DUS2: variants seen among roughly 807,000 people sequenced by gnomAD.
DUS2 encodes the protein tRNA-dihydrouridine(20) synthase [NAD(P)+]-like.
Under a neutral mutation model 71.3 loss-of-function variants are expected in DUS2, and 52 were observed. The observed-to-expected ratio is 0.73, with a 90% CI of 0.58 to 0.92. The LOEUF (loss-of-function observed/expected upper bound fraction) is 0.92. DUS2 is among the 40% of genes least tolerant of loss of function. The pLI, the probability that DUS2 is intolerant of heterozygous loss-of-function variation, is 0.00. For synonymous variants in DUS2, 204 were observed against 227.8 expected (o/e 0.90, Z 0.94); for missense variants, 558 against 622.6 (o/e 0.90, Z 1.10).
chr16:68,040,940 C>T (rs1598303365), intron 3 of DUS2, among the ~76,000 whole-genome samples: 1 of 152,230 alleles, frequency 6.6e-6, no homozygotes, highest in Admixed American at 6.5e-5. Flanking sequence ...CTTAAAAACC[C>T]CACAAAGTCG....
intron 7 of DUS2, among the ~76,000 whole-genome samples, chr16:68,057,455 G>A (rs972127668): frequency 4.0e-5 from 6 of 151,642 alleles, no homozygotes; most frequent in Admixed American, 2.6e-4. Flanking sequence ...AGAGGAGGCC[G>A]GGAGTGGTGG....
intron 12 of DUS2, 133 bp downstream of exon 12, chr16:68,071,241 G>GAGC: frequency 3.2e-6 from 3 of 932,244 alleles, no homozygotes; most frequent in Non-Finnish European, 4.9e-6. Context: ...CTCATGTAGT[G>GAGC]TAGCTGCACT....
chr16:68,026,521 G>C (rs2033353111), intron 2 of DUS2, among the ~76,000 whole-genome samples: 1 of 152,000 alleles, frequency 6.6e-6, no homozygotes, highest in Non-Finnish European at 1.5e-5. Context: ...TTCTCATCCA[G>C]CTCCCTACCT....
chr16:68,040,551 C>G (rs73598006), intron 3 of DUS2, among the ~76,000 whole-genome samples: 29,159 of 152,110 alleles, frequency 0.19, 3,324 homozygotes, highest in African/African-American at 0.31. Context: ...GAATTAAAAT[C>G]TGTTAGCATT....
At chr16:68,056,508 T>C in intron 7 of DUS2, 84 bp downstream of exon 7, 1 of 1,128,422 alleles carries the variant, frequency 8.9e-7, no homozygotes, top group Non-Finnish European at 1.3e-6. Flanking sequence ...AGTACCTAAC[T>C]CTGGACTGGA....
At chr16:68,042,061 T>G (rs532308762) in intron 3 of DUS2, among the ~76,000 whole-genome samples, 1 of 152,270 alleles carries the variant, frequency 6.6e-6, no homozygotes, top group South Asian at 2.1e-4. Context: ...CATTCTACTT[T>G]CTATTTCTAT....
intron 10 of DUS2, among the ~76,000 whole-genome samples, chr16:68,069,337 G>A (rs1265119531): frequency 6.6e-6 from 1 of 152,166 alleles, no homozygotes; most frequent in East Asian, 1.9e-4. Context: ...GCAGTGAGCC[G>A]AGATTGCACC....
chr16:68,054,452 A>G, intron 5 of DUS2, 122 bp from the exon 6 acceptor site: 1 of 1,121,570 alleles, frequency 8.9e-7, no homozygotes, highest in South Asian at 1.3e-5. Flanking sequence ...AGAGAAAGCC[A>G]GCCTGACTCT....
chr16:68,056,985 CAATAAATATATAA>C (rs2033863863), intron 7 of DUS2, among the ~76,000 whole-genome samples: 1 of 134,478 alleles, frequency 7.4e-6, no homozygotes, highest in Non-Finnish European at 1.6e-5. Context: ...TAAATATATA[CAATAAATATATAA>C]ATATATAATA....
chr16:68,024,211 C>T (rs1391097486), intron 1 of DUS2, among the ~76,000 whole-genome samples: 5 of 151,876 alleles, frequency 3.3e-5, no homozygotes, highest in Admixed American at 3.3e-4. Flanking sequence ...ATTCTCCTGC[C>T]TCTGCCTCCC....
At chr16:68,023,393 C>T in intron 1 of DUS2, 42 bp downstream of exon 1, 1 of 707,512 alleles carries the variant, frequency 1.4e-6, no homozygotes, top group Non-Finnish European at 2.3e-6. Flanking sequence ...CCAGACCCGG[C>T]CAGCCTTGGG....
At chr16:68,052,612 A>T (rs1013142601) in intron 4 of DUS2, among the ~76,000 whole-genome samples, 1 of 152,032 alleles carries the variant, frequency 6.6e-6, no homozygotes, top group Non-Finnish European at 1.5e-5. Flanking sequence ...ATTTGGGCCA[A>T]ATCTGAAACA....
intron 12 of DUS2, among the ~76,000 whole-genome samples, chr16:68,073,063 G>C: frequency 6.6e-6 from 1 of 152,140 alleles, no homozygotes; most frequent in East Asian, 1.9e-4. Flanking sequence ...CCAGAATTTG[G>C]TGTGTTTCCC....
intron 7 of DUS2, among the ~76,000 whole-genome samples, chr16:68,057,810 G>A (rs1238735260): frequency 6.7e-6 from 1 of 149,204 alleles, no homozygotes; most frequent in Non-Finnish European, 1.5e-5. Context: ...GAACCTGGGA[G>A]ACGGAGGTTG....
At chr16:68,052,411 A>G (rs1411398453) in intron 4 of DUS2, among the ~76,000 whole-genome samples, 1 of 152,218 alleles carries the variant, frequency 6.6e-6, no homozygotes, top group East Asian at 1.9e-4. Context: ...TCCTTGGATG[A>G]CCATGAAAAC....
rs367946649 is a variant in DUS2 at position 68,075,469 on chromosome 16, C to T, written c.1047C>T (p.Thr349=). 1 of 1,613,638 alleles carries T rather than the reference C, an allele frequency of 6.2e-7. No homozygotes were observed. Among genetic ancestry groups the T allele is most frequent in the African/African-American group, 1.3e-5 (1 of 75,058 alleles). The change falls in exon 14 of 17, where the codon ACC becomes ACT. Residue 349 remains threonine (T), a synonymous_variant. Coordinates refer to ENST00000565263, the MANE Select transcript of DUS2 (RefSeq NM_017803.5). ...SEQTGEPAED[T]SGVIKMAVKF... The stretch of plus-strand genomic sequence containing the variant: ...AGACAGGGGAGCCAGCTGAAGATAC[C>T]TCTGGTGTCATTAAGATGGCTGTCA...
At chr16:68,041,993 C>G (rs80256426) in intron 3 of DUS2, among the ~76,000 whole-genome samples, 5,995 of 152,022 alleles carry the variant, frequency 0.039, 372 homozygotes, top group African/African-American at 0.13. Context: ...AAACGGAAAC[C>G]CTGCACCCAT....
rs550893209 is a variant in DUS2 at position 68,034,494 on chromosome 16, A to C, written c.-18-3512A>C. Among the ~76,000 whole-genome samples, 3 of 152,292 alleles carry C rather than the reference A, an allele frequency of 2.0e-5. No homozygotes were observed. The East Asian group carries it at 5.8e-4, about 29-fold the overall frequency. On this transcript the variant is annotated intron_variant, in intron 2 of 16. Coordinates refer to ENST00000565263, the MANE Select transcript of DUS2 (RefSeq NM_017803.5). ...CAGCCTCCCAAGTAACCGGGACTAT[A>C]GGCATGTGCCACCACCCCCAGCTAA...
intron 3 of DUS2, among the ~76,000 whole-genome samples, chr16:68,045,321 A>G (rs1162938086): frequency 6.6e-6 from 1 of 151,962 alleles, no homozygotes. Context: ...ACAAGATCAC[A>G]TCGGCCCAGC....
Sources: gnomAD v4.1 joint callset for allele counts (sites outside exome capture counted in the v4.1 genomes callset) on GRCh38, gnomAD v4.1.1 for gene constraint, MANE v1.5 for transcripts, NCBI Gene and HGNC (gene_info 2026-07-23, HGNC 2026-07-21) for gene names.